Variants in ECT2L observed in about 807,000 individuals in gnomAD.
ECT2L encodes the protein epithelial cell transforming 2 like, also known as epithelial cell-transforming sequence 2 oncogene-like.
A neutral mutation model predicts 122.8 loss-of-function variants in ECT2L; 126 were observed. That is an observed-to-expected ratio of 1.03 (90% CI 0.89 to 1.19). The LOEUF (loss-of-function observed/expected upper bound fraction) is 1.19. Ranked by LOEUF, ECT2L falls within the 50% of genes most tolerant of loss-of-function variation. The pLI, the probability that ECT2L is intolerant of heterozygous loss-of-function variation, is 0.00. For synonymous variants in ECT2L, 385 were observed against 381.8 expected (o/e 1.01, Z -0.10); for missense variants, 1,012 against 1,064.1 (o/e 0.95, Z 0.68).
At chr6:138,843,363 T>C in intron 6 of ECT2L, 132 bp downstream of exon 6, 1 of 922,306 alleles carries the variant, frequency 1.1e-6, no homozygotes, top group East Asian at 2.6e-5. Context: ...ATTTTCCAGA[T>C]GAGCTTTTTT....
chr6:138,832,310 G>T (rs1430082109), intron 4 of ECT2L, among the ~76,000 whole-genome samples: 2 of 151,930 alleles, frequency 1.3e-5, no homozygotes, highest in African/African-American at 4.8e-5. Flanking sequence ...CAGTTCTGGA[G>T]ATGACGGATC....
chr6:138,864,367 A>G (rs944067174), intron 11 of ECT2L, among the ~76,000 whole-genome samples: 1 of 152,202 alleles, frequency 6.6e-6, no homozygotes, highest in Non-Finnish European at 1.5e-5. Flanking sequence ...GTCTATCAGT[A>G]ACAGTAGAGG....
intron 4 of ECT2L, among the ~76,000 whole-genome samples, chr6:138,829,853 G>A (rs1776588063): frequency 6.6e-6 from 1 of 151,990 alleles, no homozygotes; most frequent in Admixed American, 6.5e-5. Flanking sequence ...CTCCAGAGTA[G>A]CTAGGATTAC....
chr6:138,898,440 T>C (rs1779286619), intron 20 of ECT2L, among the ~76,000 whole-genome samples: 2 of 152,204 alleles, frequency 1.3e-5, no homozygotes, highest in Non-Finnish European at 2.9e-5. Flanking sequence ...GCTGTCCAAG[T>C]AGCTGAACCT....
Position 138,901,089 on chromosome 6 carries a change from G to A in ECT2L, c.2556G>A (p.Arg852=). The part of the protein sequence containing the change: ...YQFIASVALH[R]LLIENIPDSK... ...TCATTGCATCAGTGGCCCTTCATCG[G>A]TTACTCATAGAAAATATTCCAGATT... Residue 852 remains arginine (R), a synonymous_variant, in exon 21 of 22, where the codon CGG becomes CGA. Transcript: ENST00000541398. The A allele has an allele frequency of 6.2e-7, 1 of 1,613,978 alleles. No homozygotes were observed. Among genetic ancestry groups the A allele is most frequent in the East Asian group, 2.2e-5 (1 of 44,872 alleles).
intron 9 of ECT2L, among the ~76,000 whole-genome samples, chr6:138,852,552 GT>G (rs1777486467): frequency 6.6e-6 from 1 of 152,156 alleles, no homozygotes; most frequent in South Asian, 2.1e-4. Flanking sequence ...GGCAAAGTGA[GT>G]CCCTGAGACA....
At chr6:138,863,971 T>A (rs1582630651) in intron 11 of ECT2L, among the ~76,000 whole-genome samples, 1 of 139,848 alleles carries the variant, frequency 7.2e-6, no homozygotes, top group East Asian at 2.2e-4. Context: ...TTCATCCTCC[T>A]TTTCCCTCTC....
chr6:138,807,901 T>C (rs868129081), intron 1 of ECT2L, among the ~76,000 whole-genome samples: 5 of 151,860 alleles, frequency 3.3e-5, no homozygotes, highest in Admixed American at 1.3e-4. Context: ...CAATACCTCA[T>C]GCTGTTATTT....
chr6:138,899,307 A>T (rs76092288), intron 20 of ECT2L, among the ~76,000 whole-genome samples: 1,586 of 152,346 alleles, frequency 0.01, 22 homozygotes, highest in African/African-American at 0.036. Flanking sequence ...ACTAGTCATT[A>T]AAAAGAAGGA....
chr6:138,879,095 T>G (rs1164894927), intron 14 of ECT2L: 2 of 180,598 alleles, frequency 1.1e-5, no homozygotes, highest in Admixed American at 6.1e-5. Context: ...ATCTTTAACC[T>G]CCACTTCCAA....
chr6:138,827,952 T>TA (rs1776511728), intron 4 of ECT2L, among the ~76,000 whole-genome samples: 3 of 151,936 alleles, frequency 2.0e-5, no homozygotes, highest in Non-Finnish European at 2.9e-5. Flanking sequence ...ATTTTTTTTT[T>TA]ATACTTTAAG....
chr6:138,899,072 G>A (rs1457167337), intron 20 of ECT2L, among the ~76,000 whole-genome samples: 1 of 151,794 alleles, frequency 6.6e-6, no homozygotes, highest in Non-Finnish European at 1.5e-5. Context: ...CTCAGGAATT[G>A]TATCTGACAG....
Position 138,846,680 on chromosome 6 carries a change from A to G in ECT2L, c.903+3A>G, listed in dbSNP as rs772989428. On this transcript the variant is annotated splice_donor_region_variant and intron_variant, in intron 8 of 21. Coordinates refer to ENST00000541398, the MANE Select transcript of ECT2L (RefSeq NM_001077706.3). ...CATCCCGGATTCCTGCGTATGAGGT[A>G]GAGTATGTTATGAGGCCAGTCCTGT... The G allele has an allele frequency of 4.4e-6, 7 of 1,589,642 alleles. No homozygotes were observed. Among genetic ancestry groups the G allele is most frequent in the Non-Finnish European group, 6.0e-6 (7 of 1,169,608 alleles).
chr6:138,874,667 A>G (rs201926798), intron 13 of ECT2L, among the ~76,000 whole-genome samples: 2 of 152,308 alleles, frequency 1.3e-5, no homozygotes, highest in East Asian at 1.9e-4. Context: ...GTGATCTCCC[A>G]GAGAAAGATG....
chr6:138,850,386 C>CCA (rs1286932227), intron 9 of ECT2L, among the ~76,000 whole-genome samples: 2 of 152,158 alleles, frequency 1.3e-5, no homozygotes, highest in Admixed American at 6.5e-5. Context: ...CTCCAGTGAT[C>CCA]CACCTGCCTC....
At chr6:138,811,362 C>T (rs550482003) in intron 1 of ECT2L, among the ~76,000 whole-genome samples, 6 of 152,280 alleles carry the variant, frequency 3.9e-5, no homozygotes, top group South Asian at 2.1e-4. Flanking sequence ...CTGCAGTCCC[C>T]GCAAACACCT....
In ECT2L at chr6:138,842,120, AT is replaced by A. The variant is rs1777060573; in HGVS notation, c.343-856del. ...TCCTGTGGAACAAGATACGCTTCTT[AT>A]TTCCAAGTCAAGTTCAGATAGTAAG... On this transcript the variant is annotated intron_variant, in intron 5 of 21. Coordinates refer to ENST00000541398, the MANE Select transcript of ECT2L (RefSeq NM_001077706.3). 2.0e-5 allele frequency among the ~76,000 whole-genome samples: 3 copies of A among 152,218 alleles called. No homozygotes were observed. In the South Asian group the frequency reaches 6.2e-4, roughly 32 times the overall value.
intron 10 of ECT2L, among the ~76,000 whole-genome samples, chr6:138,859,031 A>T (rs1019049338): frequency 2.6e-5 from 4 of 151,950 alleles, no homozygotes; most frequent in African/African-American, 9.7e-5. Context: ...CTCTTTTTTA[A>T]TATGGAACAG....
intron 20 of ECT2L, among the ~76,000 whole-genome samples, chr6:138,899,818 G>A (rs922828681): frequency 2.1e-5 from 3 of 140,910 alleles, no homozygotes; most frequent in African/African-American, 7.6e-5. Context: ...GTGGGGAGGG[G>A]GAATTGGGGA....
Sources: allele counts gnomAD v4.1 joint callset (sites outside exome capture counted in the v4.1 genomes callset), GRCh38; gene constraint gnomAD v4.1.1; transcripts MANE v1.5; gene names NCBI Gene and HGNC (gene_info 2026-07-23, HGNC 2026-07-21).